VRTN: variants seen among roughly 807,000 people sequenced by gnomAD.
The protein encoded by VRTN is vertnin.
A neutral mutation model predicts 18.2 loss-of-function variants in VRTN; 5 were observed. The ratio of observed to expected loss-of-function variants is 0.27; its 90% CI spans 0.14 to 0.58. The LOEUF (loss-of-function observed/expected upper bound fraction) is 0.58, where lower values mean the gene tolerates loss of function less well. Ranked by LOEUF, VRTN falls within the 20% of genes least tolerant of loss-of-function variation. VRTN has a pLI of 0.91. For missense variants in VRTN, 741 were observed against 939.4 expected (o/e 0.79, Z 2.76); for synonymous variants, 381 against 393.7 (o/e 0.97, Z 0.38).
At chr14:74,349,267 C>T (rs2085667194) in intron 1 of VRTN, among the ~76,000 whole-genome samples, 2 of 16,598 alleles carry the variant, frequency 1.2e-4, no homozygotes, top group African/African-American at 2.9e-4. Context: ...TGGCAGCTGC[C>T]CTTGCCCAGC....
intron 1 of VRTN, among the ~76,000 whole-genome samples, chr14:74,350,895 T>C (rs2085678790): frequency 6.6e-6 from 1 of 152,256 alleles, no homozygotes; most frequent in East Asian, 1.9e-4. Context: ...GGGAACATCA[T>C]GCTCTCCTCA....
chr14:74,324,951 T>G (rs2085479594), intron 1 of VRTN, among the ~76,000 whole-genome samples: 1 of 152,044 alleles, frequency 6.6e-6, no homozygotes, highest in African/African-American at 2.4e-5. Flanking sequence ...CACTGATTTC[T>G]CAATCAGATT....
At chr14:74,304,445 C>T (rs535691555) in intron 1 of VRTN, among the ~76,000 whole-genome samples, 101 of 152,276 alleles carry the variant, frequency 6.6e-4, no homozygotes, top group African/African-American at 2.2e-3. Context: ...TGTGAATCAC[C>T]GTGCCCGGCC....
intron 1 of VRTN, among the ~76,000 whole-genome samples, chr14:74,322,643 T>C (rs2085463707): frequency 6.6e-6 from 1 of 152,104 alleles, no homozygotes; most frequent in Admixed American, 6.6e-5. Context: ...TCATAGCCCC[T>C]ATGGAACTGT....
intron 1 of VRTN, among the ~76,000 whole-genome samples, chr14:74,324,606 G>A (rs1218547993): frequency 6.6e-6 from 1 of 151,966 alleles, no homozygotes; most frequent in Non-Finnish European, 1.5e-5. Context: ...TTCTCATTCA[G>A]GCCGGGTGTG....
Position 74,358,569 on chromosome 14 carries a change from TCAG to T in VRTN, c.1787_1789del (p.Ser596_Glu597delinsTer). The T allele has an allele frequency of 6.2e-7, 1 of 1,606,790 alleles. No individual in the cohort carries two copies. Among genetic ancestry groups the T allele is most frequent in the South Asian group, 1.1e-5 (1 of 90,032 alleles). On this transcript the variant is annotated stop_gained and inframe_deletion, in exon 2 of 2. Transcript: ENST00000256362. LOFTEE classifies it high-confidence loss of function. This position sits in a 1 kb window ranked among gnomAD's most constrained non-coding sequence, Gnocchi z 5.4. ...GATGGCCCCACCTGTGGGGGCTTCT[TCAG>T]AAGATGTAGAGGGAGGGCCTTCCAG...
At chr14:74,303,024 A>G (rs2085127671), upstream of VRTN, 1 of 1,178,772 alleles carries the variant, frequency 8.5e-7, no homozygotes, top group Non-Finnish European at 1.1e-6. Flanking sequence ...GATAGAGAGG[A>G]AGGTGCGGGA....
intron 1 of VRTN, among the ~76,000 whole-genome samples, chr14:74,314,962 G>T (rs1344968963): frequency 6.6e-6 from 1 of 152,180 alleles, no homozygotes; most frequent in Non-Finnish European, 1.5e-5. Context: ...CTACACAGAA[G>T]GATGGAGGAA....
At chr14:74,332,120 C>T (rs2085529972) in intron 1 of VRTN, among the ~76,000 whole-genome samples, 1 of 152,080 alleles carries the variant, frequency 6.6e-6, no homozygotes, top group African/African-American at 2.4e-5. Flanking sequence ...CATCTCTGAG[C>T]CCCAAGGGGA....
chr14:74,350,174 C>T (rs1181591207), intron 1 of VRTN, among the ~76,000 whole-genome samples: 1 of 152,098 alleles, frequency 6.6e-6, no homozygotes, highest in African/African-American at 2.4e-5. Context: ...GATAGGCTTC[C>T]CCGTGCAGCC....
intron 1 of VRTN, among the ~76,000 whole-genome samples, chr14:74,304,009 G>T (rs1402622494): frequency 7.0e-6 from 1 of 143,372 alleles, no homozygotes; most frequent in Admixed American, 7.0e-5. Flanking sequence ...GTGCCACCAC[G>T]CCCAGCTAAT....
chr14:74,303,657 C>G (rs375004809), intron 1 of VRTN, among the ~76,000 whole-genome samples: 4 of 152,078 alleles, frequency 2.6e-5, no homozygotes, highest in African/African-American at 9.6e-5. Flanking sequence ...TGGGAAATGG[C>G]TCAAAAAAAA....
In VRTN at chr14:74,357,065, G is replaced by A; in HGVS notation, c.282G>A (p.Leu94=). ...TGTTCGAGGCGGCCAGCATGCTGCT[G>A]TGGGGTGACGCAGGCCTCAGCCTGG... The part of the protein sequence containing the change: ...SLLFEAASML[L]WGDAGLSLEL... Residue 94 remains leucine (L), a synonymous_variant, in exon 2 of 2, where the codon CTG becomes CTA. Coordinates refer to ENST00000256362, the MANE Select transcript of VRTN (RefSeq NM_018228.3). The surrounding 1 kb of genome is among the most constrained non-coding windows in gnomAD (Gnocchi z 7.8). 8.7e-6 allele frequency: 14 copies of A among 1,608,786 alleles called. No homozygotes were observed. The highest frequency in any genetic ancestry group is 1.2e-5 in the Non-Finnish European group (14 of 1,178,620).
At chr14:74,330,250 G>A (rs1006885211) in intron 1 of VRTN, among the ~76,000 whole-genome samples, 1 of 152,018 alleles carries the variant, frequency 6.6e-6, no homozygotes, top group Non-Finnish European at 1.5e-5. Flanking sequence ...TAAAGAAATG[G>A]AAGGAAGGAA....
intron 1 of VRTN, among the ~76,000 whole-genome samples, chr14:74,349,259 GCA>G (rs2085667102): frequency 1.6e-5 from 2 of 121,316 alleles, no homozygotes; most frequent in African/African-American, 3.2e-5. Context: ...GCCAACCCTG[GCA>G]GCTGCCCTTG....
chr14:74,357,780 C>T lies in VRTN; in HGVS notation c.997C>T (p.Gln333Ter). The T allele has an allele frequency of 6.2e-7, 1 of 1,613,172 alleles. No individual in the cohort carries two copies. The highest frequency in any genetic ancestry group is 8.5e-7 in the Non-Finnish European group (1 of 1,180,036). Residue 333 changes from glutamine (Q) to a stop codon, truncating the protein, a stop_gained, in exon 2 of 2, where the codon CAG (glutamine) becomes TAG (stop). Transcript: ENST00000256362. LOFTEE classifies it low-confidence loss of function (END_TRUNC). The surrounding 1 kb of genome is among the most constrained non-coding windows in gnomAD (Gnocchi z 7.8). Reference protein sequence around the residue: ...SFHRGGVVPLQQFLQRFPEIS... With the variant: ...SFHRGGVVPL ...CCACCGGGGGGGCGTCGTGCCACTT[C>T]AGCAGTTCCTCCAGCGGTTCCCGGA... is the stretch of plus-strand genomic sequence containing the variant.
upstream of VRTN, among the ~76,000 whole-genome samples, chr14:74,345,745 G>T (rs1455908676): frequency 6.6e-6 from 1 of 150,856 alleles, no homozygotes; most frequent in East Asian, 2.0e-4. Flanking sequence ...CCAACATGGC[G>T]AAACCCTGTC....
At position 74,356,823 on chromosome 14, in the gene VRTN, G is replaced by A; in HGVS notation, c.40G>A (p.Glu14Lys). The A allele has an allele frequency of 6.2e-7, 1 of 1,609,736 alleles. No homozygotes were observed. Among genetic ancestry groups the A allele is most frequent in the Non-Finnish European group, 8.5e-7 (1 of 1,177,872 alleles). Residue 14 changes from glutamate (E) to lysine (K), a missense_variant, in exon 2 of 2, where the codon GAG becomes AAG. Transcript: ENST00000256362. ...CCAGCTGGTGCAGAAGGTGCTGCAG[G>A]AGCTGCAGGAAGCAGTGGAGTGCGA... ...RNQLVQKVLQELQEAVECEGL... is the reference protein window; with the variant it reads ...RNQLVQKVLQKLQEAVECEGL...
chr14:74,306,236 T>G (rs1231848352), intron 1 of VRTN, among the ~76,000 whole-genome samples: 5 of 145,784 alleles, frequency 3.4e-5, no homozygotes, highest in South Asian at 2.2e-4. Context: ...AGTGGTGGGA[T>G]CACAGCTGAC....
Sources: allele counts gnomAD v4.1 joint callset (sites outside exome capture counted in the v4.1 genomes callset), GRCh38; gene constraint gnomAD v4.1.1; non-coding constraint Gnocchi (gnomAD v3.1); transcripts MANE v1.5; gene names NCBI Gene and HGNC (gene_info 2026-07-23, HGNC 2026-07-21).